Variants in NUSAP1 observed in about 807,000 individuals in gnomAD.
NUSAP1 encodes the protein nucleolar and spindle-associated protein 1.
NUSAP1 carries 32 observed loss-of-function variants against 52.8 expected under a neutral mutation model. The ratio of observed to expected loss-of-function variants is 0.61; its 90% confidence interval spans 0.46 to 0.81. The LOEUF is 0.81. Ranked by LOEUF, NUSAP1 falls within the 40% of genes least tolerant of loss-of-function variation. The pLI, the probability that NUSAP1 is intolerant of heterozygous loss-of-function variation, is 0.00. For missense variants in NUSAP1, 499 were observed against 522.3 expected, an observed-to-expected ratio of 0.96 and a Z score of 0.43; for synonymous variants, 195 against 183.1, an observed-to-expected ratio of 1.06 and a Z score of -0.52.
At chr15:41,355,475 A>G (rs2140671343) in intron 4 of NUSAP1, among the ~76,000 whole-genome samples, 1 of 151,920 alleles carries the variant, frequency 6.6e-6, no homozygotes, top group Admixed American at 6.6e-5. Flanking sequence ...CGCCTGACCA[A>G]CTTTCTAATA....
chr15:41,365,560 T>C lies in NUSAP1; in HGVS notation c.819T>C (p.Ser273=), dbSNP rs757158666. 5.6e-6 allele frequency: 9 copies of C among 1,606,006 alleles called. No individual in the cohort carries two copies. In the African/African-American group the frequency reaches 1.2e-4, roughly 21 times the overall value. ...TLGLKGSLKR[S]AISAAKTGVR... is the part of the protein sequence containing the mutation. ...GTCTGAAGGGGTCACTCAAGCGCTCTGCTATCTCTGCAGCTAAAACGGGTG... is the reference window on the plus strand; with the variant it reads ...GTCTGAAGGGGTCACTCAAGCGCTCCGCTATCTCTGCAGCTAAAACGGGTG... Residue 273 remains serine (S), a synonymous_variant, in exon 7 of 11, where the codon TCT becomes TCC. Coordinates refer to ENST00000559596, the MANE Select transcript of NUSAP1 (RefSeq NM_016359.5).
At chr15:41,378,944 G>GTTTTTTTTTGTTTTTTTTTTTTT in intron 10 of NUSAP1, among the ~76,000 whole-genome samples, 1 of 63,270 alleles carries the variant, frequency 1.6e-5, no homozygotes, top group Non-Finnish European at 2.7e-5. Context: ...ACTTATCTTG[G>GTTTTTTTTTGTTTTTTTTTTTTT]TTTTTTTTTT....
chr15:41,345,485 G>GT (rs2048532357), intron 2 of NUSAP1: 1 of 401,036 alleles, frequency 2.5e-6, no homozygotes, highest in Non-Finnish European at 4.8e-6. Flanking sequence ...TTTTTTCTGA[G>GT]TTTCACTCTT....
chr15:41,363,019 G>A (rs975916235), intron 6 of NUSAP1, among the ~76,000 whole-genome samples: 3 of 151,800 alleles, frequency 2.0e-5, no homozygotes, highest in Admixed American at 6.6e-5. Context: ...GGGCACAGTG[G>A]CTCACGCCTG....
intron 2 of NUSAP1, chr15:41,345,468 C>CTT (rs202120158): frequency 7.4e-4 from 262 of 353,908 alleles, no homozygotes; most frequent in Admixed American, 1.4e-3. Flanking sequence ...TTTTTTCTTT[C>CTT]TTTTTTTTTT....
chr15:41,338,515 C>T (rs1007190854), intron 1 of NUSAP1, among the ~76,000 whole-genome samples: 5 of 152,262 alleles, frequency 3.3e-5, no homozygotes, highest in Middle Eastern at 3.4e-3. Flanking sequence ...CCATCTCCAG[C>T]GCTGCAAACC....
chr15:41,347,813 C>CAAAA (rs374551463), intron 2 of NUSAP1, among the ~76,000 whole-genome samples: 1 of 95,598 alleles, frequency 1.0e-5, no homozygotes. Context: ...GACTCCGTCT[C>CAAAA]AAAAAAAAAA....
chr15:41,366,879 G>C (rs576924205), intron 7 of NUSAP1, among the ~76,000 whole-genome samples: 1 of 152,280 alleles, frequency 6.6e-6, no homozygotes, highest in East Asian at 1.9e-4. Context: ...AGGTTTCATA[G>C]GGAAGAACAT....
intron 2 of NUSAP1, chr15:41,343,303 G>A (rs1247348710): frequency 6.6e-6 from 1 of 152,182 alleles, no homozygotes; most frequent in Non-Finnish European, 1.5e-5. Flanking sequence ...GATAAGGCAT[G>A]ACTCCTAAAC....
At chr15:41,356,165 A>G (rs751683140) in intron 5 of NUSAP1, 25 bp downstream of exon 5, 3 of 1,335,734 alleles carry the variant, frequency 2.2e-6, no homozygotes. Context: ...CAAAGCCATA[A>G]TAAGTAATGG....
chr15:41,368,728 CTTTTTTTT>C (rs57501156), intron 7 of NUSAP1, among the ~76,000 whole-genome samples: 4 of 77,920 alleles, frequency 5.1e-5, no homozygotes, highest in Admixed American at 1.7e-4. Context: ...TTATTTTATT[CTTTTTTTT>C]TTTTTTTTTT....
Position 41,368,320 on chromosome 15 carries a change from A to G in NUSAP1, c.848+2731A>G, listed in dbSNP as rs1265475626. ...GGCATAAACCACCATGCCCAGTCAGATATTCTTCATTTTATTAATATATGA... is the reference window on the plus strand; with the variant it reads ...GGCATAAACCACCATGCCCAGTCAGGTATTCTTCATTTTATTAATATATGA... On this transcript the variant is annotated intron_variant, in intron 7 of 10. Coordinates refer to ENST00000559596, the MANE Select transcript of NUSAP1 (RefSeq NM_016359.5). 2.0e-5 allele frequency among the ~76,000 whole-genome samples: 3 copies of G among 152,078 alleles called. No individual in the cohort carries two copies. In the East Asian group the frequency reaches 5.8e-4, roughly 29 times the overall value.
chr15:41,336,268 AAATAATAAT>A (rs113121358), intron 1 of NUSAP1, among the ~76,000 whole-genome samples: 2 of 148,666 alleles, frequency 1.3e-5, no homozygotes, highest in Admixed American at 6.8e-5. Flanking sequence ...CTCCGTCTAA[AAATAATAAT>A]AATAATAATA....
intron 4 of NUSAP1, among the ~76,000 whole-genome samples, chr15:41,355,816 A>AG (rs1358315293): frequency 6.6e-6 from 1 of 151,880 alleles, no homozygotes; most frequent in African/African-American, 2.4e-5. Context: ...AGCTGGGACT[A>AG]CAGGCGCCCA....
intron 4 of NUSAP1, among the ~76,000 whole-genome samples, chr15:41,355,394 A>G (rs2048928018): frequency 6.8e-6 from 1 of 148,102 alleles, no homozygotes; most frequent in Non-Finnish European, 1.5e-5. Flanking sequence ...GATGGTCTCC[A>G]TCTCTTGAAC....
chr15:41,362,389 A>G (rs943842598), intron 6 of NUSAP1, among the ~76,000 whole-genome samples: 1 of 148,994 alleles, frequency 6.7e-6, no homozygotes, highest in East Asian at 2.0e-4. Context: ...GGTATATATT[A>G]TCTGTTTTAA....
rs1322194763 is a variant in NUSAP1 at position 41,380,477 on chromosome 15, G to A, written c.*291G>A. ...TAGATTTTTAATGTCAAGTTCCCAA[G>A]TTCCCCCTGCTGGTTCTAATATTAA... On this transcript the variant is annotated 3_prime_UTR_variant, in exon 11 of 11. Transcript: ENST00000559596. 3.5e-5 allele frequency: 8 copies of A among 231,350 alleles called. No homozygotes were observed. In the Admixed American group the frequency reaches 4.4e-4, roughly 13 times the overall value. 14.3% of individuals were successfully genotyped at this position (231,350 alleles called of 1,614,324 possible).
At chr15:41,339,208 A>G (rs983114511) in intron 1 of NUSAP1, among the ~76,000 whole-genome samples, 5 of 152,188 alleles carry the variant, frequency 3.3e-5, no homozygotes, top group Non-Finnish European at 5.9e-5. Flanking sequence ...CTAATGCATT[A>G]GAGGATCATG....
At chr15:41,345,625 A>G in intron 2 of NUSAP1, 1 of 278,902 alleles carries the variant, frequency 3.6e-6, no homozygotes, top group Non-Finnish European at 7.0e-6. Context: ...ACACCCGGAT[A>G]ATTGTGTATT....
Sources: allele counts gnomAD v4.1 joint callset (sites outside exome capture counted in the v4.1 genomes callset), GRCh38; gene constraint gnomAD v4.1.1; transcripts MANE v1.5; gene names NCBI Gene and HGNC (gene_info 2026-07-23, HGNC 2026-07-21).